Variants in SEMA6D observed in about 807,000 individuals in gnomAD.
The protein encoded by SEMA6D is semaphorin 6D.
In SEMA6D, 35 loss-of-function variants were observed where a neutral mutation model predicts 106.6. The observed-to-expected ratio is 0.33, with a 90% CI of 0.25 to 0.44. The LOEUF (loss-of-function observed/expected upper bound fraction) is 0.44. Ranked by LOEUF, SEMA6D falls within the 20% of genes least tolerant of loss-of-function variation. SEMA6D has a pLI of 1.00. For synonymous variants in SEMA6D, 499 were observed against 487.7 expected (o/e 1.02, Z -0.31); for missense variants, 1,185 against 1,345.9 (o/e 0.88, Z 1.87).
chr15:47,338,477 T>C (rs2037665796), intron 1 of SEMA6D, among the ~76,000 whole-genome samples: 1 of 152,142 alleles, frequency 6.6e-6, no homozygotes, highest in Non-Finnish European at 1.5e-5. Flanking sequence ...AAACATCTCA[T>C]GTACCTCATA....
At chr15:47,319,089 A>G (rs1165685509) in intron 1 of SEMA6D, among the ~76,000 whole-genome samples, 1 of 151,950 alleles carries the variant, frequency 6.6e-6, no homozygotes, top group Non-Finnish European at 1.5e-5. Context: ...CATATCCTCA[A>G]GCTCAAAGAT....
At chr15:47,206,399 A>T (rs1407691450) in intron 1 of SEMA6D, among the ~76,000 whole-genome samples, 1 of 152,158 alleles carries the variant, frequency 6.6e-6, no homozygotes, top group Non-Finnish European at 1.5e-5. Context: ...GGACAGGGTT[A>T]CAATACCAGT....
chr15:47,442,268 C>G (rs2041905297), intron 2 of SEMA6D, among the ~76,000 whole-genome samples: 1 of 152,110 alleles, frequency 6.6e-6, no homozygotes, highest in Non-Finnish European at 1.5e-5. Context: ...CCTTGAGACA[C>G]TTAGATCCTT....
chr15:47,720,166 G>A (rs985327166), intron 1 of SEMA6D, among the ~76,000 whole-genome samples: 1 of 150,786 alleles, frequency 6.6e-6, no homozygotes, highest in Middle Eastern at 3.5e-3. Flanking sequence ...GGCACATTTT[G>A]TTAGATTAAC....
intron 3 of SEMA6D, among the ~76,000 whole-genome samples, chr15:47,492,609 C>A (rs987252931): frequency 2.6e-5 from 4 of 152,064 alleles, no homozygotes; most frequent in Admixed American, 6.6e-5. Flanking sequence ...TTCTTTTAAG[C>A]ATTTAGAACA....
chr15:47,332,553 C>G (rs1465101656), intron 1 of SEMA6D, among the ~76,000 whole-genome samples: 1 of 152,190 alleles, frequency 6.6e-6, no homozygotes, highest in African/African-American at 2.4e-5. Context: ...TTTTACCATG[C>G]AAGCTGTGTT....
At chr15:47,564,861 G>A (rs540984851) in intron 3 of SEMA6D, among the ~76,000 whole-genome samples, 2 of 152,190 alleles carry the variant, frequency 1.3e-5, no homozygotes, top group African/African-American at 2.4e-5. Flanking sequence ...TCTAGACATC[G>A]GGACAACTAT....
intron 1 of SEMA6D, among the ~76,000 whole-genome samples, chr15:47,186,948 G>A (rs1288074730): frequency 1.3e-5 from 2 of 152,036 alleles, no homozygotes; most frequent in African/African-American, 4.8e-5. Flanking sequence ...TATCATTGAA[G>A]TATGCATGAC....
intron 1 of SEMA6D, among the ~76,000 whole-genome samples, chr15:47,379,990 C>G (rs1311761374): frequency 6.6e-6 from 1 of 152,034 alleles, no homozygotes; most frequent in East Asian, 1.9e-4. Context: ...CTCCGGACCT[C>G]AGGTAATCGC....
At chr15:47,471,533 A>G (rs1007568568) in intron 3 of SEMA6D, among the ~76,000 whole-genome samples, 11 of 152,156 alleles carry the variant, frequency 7.2e-5, no homozygotes, top group African/African-American at 2.4e-4. Context: ...ATCTGTCGTA[A>G]AGACTGCTGC....
At position 47,771,522 on chromosome 15, in the gene SEMA6D, G is replaced by A. The variant is rs774623143; in HGVS notation, c.2959G>A (p.Val987Ile). 1.2e-6 allele frequency: 2 copies of A among 1,614,006 alleles called. No individual in the cohort carries two copies. The highest frequency in any genetic ancestry group is 1.7e-6 in the Non-Finnish European group (2 of 1,179,998). Residue 987 changes from valine (V) to isoleucine (I), a missense_variant, in exon 19 of 19, where the codon GTT (valine) becomes ATT (isoleucine). Coordinates refer to ENST00000536845, the MANE Select transcript of SEMA6D (RefSeq NM_001358351.3). Reference sequence around the variant, plus strand: ...TAAAAACTTAAACTCACCAAATGGTGTTTTGTTATCCAGACAGCCTAGTAT... The same window carrying A: ...TAAAAACTTAAACTCACCAAATGGTATTTTGTTATCCAGACAGCCTAGTAT... ...MPKNLNSPNG[V>I]LLSRQPSMNR...
At chr15:47,724,054 C>A (rs1357588340) in intron 1 of SEMA6D, among the ~76,000 whole-genome samples, 2 of 152,230 alleles carry the variant, frequency 1.3e-5, no homozygotes, top group Non-Finnish European at 2.9e-5. Flanking sequence ...TCTCCACTGG[C>A]CTACGCCTCA....
chr15:47,373,770 GGTT>G (rs2039357446), intron 1 of SEMA6D, among the ~76,000 whole-genome samples: 1 of 152,100 alleles, frequency 6.6e-6, no homozygotes, highest in African/African-American at 2.4e-5. Context: ...TTTCATACAG[GGTT>G]GTTGTTGTTT....
intron 1 of SEMA6D, among the ~76,000 whole-genome samples, chr15:47,729,715 A>G (rs2079994344): frequency 2.0e-5 from 3 of 152,238 alleles, no homozygotes; most frequent in African/African-American, 4.8e-5. Context: ...GTAGAAAGCT[A>G]TCAGAGATCC....
intron 4 of SEMA6D, among the ~76,000 whole-genome samples, chr15:47,655,445 A>G (rs2077772586): frequency 6.6e-6 from 1 of 152,262 alleles, no homozygotes; most frequent in South Asian, 2.1e-4. Flanking sequence ...ACAAGAAAAT[A>G]ATATGTATAT....
At chr15:47,420,116 A>T (rs2041105565) in intron 2 of SEMA6D, among the ~76,000 whole-genome samples, 1 of 152,118 alleles carries the variant, frequency 6.6e-6, no homozygotes. Context: ...GAACACACAG[A>T]TACCCTCTTA....
At chr15:47,513,744 G>A (rs560911747) in intron 3 of SEMA6D, among the ~76,000 whole-genome samples, 9 of 152,320 alleles carry the variant, frequency 5.9e-5, no homozygotes, top group Admixed American at 2.0e-4. Context: ...CATATCAAGC[G>A]AAGCTCAGCA....
chr15:47,250,161 T>C (rs1051239629), intron 1 of SEMA6D, among the ~76,000 whole-genome samples: 2 of 152,140 alleles, frequency 1.3e-5, no homozygotes, highest in Non-Finnish European at 2.9e-5. Flanking sequence ...GCAAAAATCC[T>C]GAAACACAGG....
At chr15:47,451,216 A>G (rs962146029) in intron 2 of SEMA6D, among the ~76,000 whole-genome samples, 2 of 152,174 alleles carry the variant, frequency 1.3e-5, no homozygotes, top group Admixed American at 6.5e-5. Flanking sequence ...CTGAACACCA[A>G]GTACACCCTT....
Sources: gnomAD v4.1 joint callset for allele counts (sites outside exome capture counted in the v4.1 genomes callset) on GRCh38, gnomAD v4.1.1 for gene constraint, MANE v1.5 for transcripts, NCBI Gene and HGNC (gene_info 2026-07-23, HGNC 2026-07-21) for gene names.